Variants in SEZ6L observed in about 807,000 individuals in gnomAD.
SEZ6L encodes the protein seizure 6-like protein.
Under a neutral mutation model 106.2 loss-of-function variants are expected in SEZ6L, and 37 were observed. That is an observed-to-expected ratio of 0.35 (90% CI 0.27 to 0.46). SEZ6L has a LOEUF of 0.46. SEZ6L is among the 20% of genes least tolerant of loss of function. SEZ6L has a pLI of 1.00. For synonymous variants in SEZ6L, 541 were observed against 570.4 expected, an observed-to-expected ratio of 0.95 and a Z score of 0.73; for missense variants, 1,172 against 1,332.8, an observed-to-expected ratio of 0.88 and a Z score of 1.88.
At chr22:26,267,052 GA>G (rs1395640701) in intron 1 of SEZ6L, among the ~76,000 whole-genome samples, 1 of 152,182 alleles carries the variant, frequency 6.6e-6, no homozygotes, top group East Asian at 1.9e-4. Context: ...CGTGTGTACA[GA>G]GTCAAAATAA....
rs1342163858 is a variant in SEZ6L at position 26,310,677 on chromosome 22, G to A, written c.1522G>A (p.Val508Ile). 16 of 1,614,140 alleles carry A rather than the reference G, an allele frequency of 9.9e-6. No individual in the cohort carries two copies. The highest frequency in any genetic ancestry group is 1.3e-5 in the African/African-American group (1 of 75,038). The stretch of plus-strand genomic sequence containing the variant: ...CTCTGCTCCCACTGCCAGGATGACG[G>A]TTCACAGCGGGCAGACCAACAAGTC... ...LLLHDKDRMT[V>I]HSGQTNKSAL... The change falls in exon 7 of 17, where the codon GTT becomes ATT. Residue 508 changes from valine (V) to isoleucine (I), a missense_variant. Coordinates refer to ENST00000248933, the MANE Select transcript of SEZ6L (RefSeq NM_021115.5).
rs113172009 is a variant in SEZ6L, at chr22:26,282,349, C to T, written c.95-10057C>T. Among the ~76,000 whole-genome samples the T allele has an allele frequency of 4.1e-3, 624 of 152,302 alleles. 7 individuals are homozygous for T. Among genetic ancestry groups the T allele is most frequent in the African/African-American group, 0.013 (559 of 41,578 alleles). On this transcript the variant is annotated intron_variant, in intron 1 of 16. Coordinates refer to ENST00000248933, the MANE Select transcript of SEZ6L (RefSeq NM_021115.5). ...GTGAACACTTTGCAACACCCTAGTA[C>T]GTGTCAATGACCACAAAGGTCTCTC...
intron 5 of SEZ6L, among the ~76,000 whole-genome samples, chr22:26,299,997 T>C (rs1400545931): frequency 6.6e-6 from 1 of 152,184 alleles, no homozygotes; most frequent in Non-Finnish European, 1.5e-5. Flanking sequence ...TTCTTTTCCA[T>C]GTTGTTGTTT....
intron 1 of SEZ6L, among the ~76,000 whole-genome samples, chr22:26,191,231 C>T (rs1940180673): frequency 6.6e-6 from 1 of 152,150 alleles, no homozygotes; most frequent in Non-Finnish European, 1.5e-5. Flanking sequence ...AATCCCATTA[C>T]TGGGTATACA....
chr22:26,334,021 G>T (rs2082570521), intron 9 of SEZ6L, among the ~76,000 whole-genome samples: 2 of 152,058 alleles, frequency 1.3e-5, no homozygotes, highest in South Asian at 4.1e-4. Flanking sequence ...GCAGGGACGG[G>T]GCAGGCGGCA....
chr22:26,348,604 G>GAGAA lies in SEZ6L; in HGVS notation c.2407+692_2407+693insGAAA, dbSNP rs1334347493. Among the ~76,000 whole-genome samples the GAGAA allele has an allele frequency of 3.3e-4, 21 of 62,912 alleles. 2 individuals carry two copies. Among genetic ancestry groups the GAGAA allele is most frequent in the African/African-American group, 1.1e-3 (11 of 10,370 alleles). 41.3% of individuals were successfully genotyped at this position (62,912 alleles called of 152,430 possible). A position where few individuals can be genotyped will look rare whatever the true frequency, so the allele number is the denominator to read the frequency against. On this transcript the variant is annotated intron_variant, in intron 11 of 16. Transcript: ENST00000248933. ...AAAGAAAGAGAAAGAAAGAAAGAAA[G>GAGAA]AAAGAGAAAAAGAAAGAAAGAAAGA...
intron 9 of SEZ6L, among the ~76,000 whole-genome samples, chr22:26,325,783 T>A (rs1461840495): frequency 2.0e-5 from 3 of 148,176 alleles, no homozygotes; most frequent in African/African-American, 7.9e-5. Context: ...GATGATGAAA[T>A]CATACCATGT....
intron 1 of SEZ6L, among the ~76,000 whole-genome samples, chr22:26,206,056 A>G (rs1941256419): frequency 6.6e-6 from 1 of 152,168 alleles, no homozygotes; most frequent in Non-Finnish European, 1.5e-5. Flanking sequence ...GGCCTCTCCT[A>G]TAGAATAAAT....
At chr22:26,266,031 C>T (rs1320923646) in intron 1 of SEZ6L, among the ~76,000 whole-genome samples, 1 of 152,156 alleles carries the variant, frequency 6.6e-6, no homozygotes, top group Admixed American at 6.5e-5. Context: ...CCATCATGGA[C>T]ATGAGCTGTG....
At chr22:26,302,725 G>A (rs2081494524) in intron 5 of SEZ6L, among the ~76,000 whole-genome samples, 1 of 152,128 alleles carries the variant, frequency 6.6e-6, no homozygotes, top group Non-Finnish European at 1.5e-5. Context: ...TTTTATCTAT[G>A]TGTGAAATCA....
intron 1 of SEZ6L, among the ~76,000 whole-genome samples, chr22:26,291,439 G>T (rs1016619381): frequency 8.8e-6 from 1 of 113,192 alleles, no homozygotes; most frequent in African/African-American, 4.4e-5. Flanking sequence ...GGGGCCTGTT[G>T]CGGGGTGGAG....
At chr22:26,322,521 A>T (rs2082184560) in intron 9 of SEZ6L, among the ~76,000 whole-genome samples, 1 of 152,188 alleles carries the variant, frequency 6.6e-6, no homozygotes, top group East Asian at 1.9e-4. Flanking sequence ...AACTAGATTT[A>T]TCTCCGTGAA....
intron 1 of SEZ6L, among the ~76,000 whole-genome samples, chr22:26,274,014 A>G (rs1342038964): frequency 6.6e-6 from 1 of 152,130 alleles, no homozygotes; most frequent in Non-Finnish European, 1.5e-5. Flanking sequence ...ATGGCCCCAA[A>G]AGAGAAATTG....
Position 26,221,730 on chromosome 22 carries a change from GCACACGCGTGCA to G in SEZ6L, c.94+51973_94+51984del, listed in dbSNP as rs1467394255. On this transcript the variant is annotated intron_variant, in intron 1 of 16. Transcript: ENST00000248933. ...TGTGTGCACCTGAATTCATGCGCGT[GCACACGCGTGCA>G]CACACACACACACACACACACACAC... is the stretch of plus-strand genomic sequence containing the variant. 1.4e-3 allele frequency among the ~76,000 whole-genome samples: 197 copies of G among 138,680 alleles called. 1 individual carries two copies. The highest frequency in any genetic ancestry group is 5.2e-3 in the African/African-American group (189 of 36,096). The allele number at this position is 138,680 out of a possible 152,430, so 91.0% of individuals were successfully genotyped here.
intron 13 of SEZ6L, among the ~76,000 whole-genome samples, chr22:26,372,936 G>A (rs1391458757): frequency 6.6e-6 from 1 of 152,102 alleles, no homozygotes; most frequent in Admixed American, 6.6e-5. Context: ...CAATTCATTC[G>A]TGCTTTGCCC....
At position 26,311,946 on chromosome 22, in the gene SEZ6L, A is replaced by C. The variant is rs990165291; in HGVS notation, c.1860A>C (p.Thr620=). The change falls in exon 8 of 17, where the codon ACA becomes ACC. Residue 620 remains threonine, a synonymous_variant. Coordinates refer to ENST00000248933, the MANE Select transcript of SEZ6L (RefSeq NM_021115.5). ...TGCGGGACCCATACTGGAATGACAC[A>C]GAGCCCCTGTGCAGAGGTGAGCGGA... ...INVRDPYWND[T]EPLCRAMCGG... 4 of 1,613,778 alleles carry C rather than the reference A, an allele frequency of 2.5e-6. No homozygotes were observed. Among genetic ancestry groups the C allele is most frequent in the African/African-American group, 2.7e-5 (2 of 74,810 alleles).
At chr22:26,306,242 C>T (rs16981698) in intron 6 of SEZ6L, 98 bp downstream of exon 6, 46,238 of 1,363,986 alleles carry the variant, frequency 0.034, 931 homozygotes, top group East Asian at 0.054. Context: ...AGCTTTGACC[C>T]TCGGAATTCA....
chr22:26,241,363 C>G (rs558559024), intron 1 of SEZ6L: 1 of 152,204 alleles, frequency 6.6e-6, no homozygotes, highest in East Asian at 1.9e-4. Flanking sequence ...AATCTAGCAC[C>G]GACTGTGTCT....
chr22:26,202,234 C>G (rs1291747085), intron 1 of SEZ6L, among the ~76,000 whole-genome samples: 2 of 152,084 alleles, frequency 1.3e-5, no homozygotes, highest in African/African-American at 4.8e-5. Context: ...TTTTTATTCT[C>G]TCTCATGCCT....
Sources: allele counts gnomAD v4.1 joint callset (sites outside exome capture counted in the v4.1 genomes callset), GRCh38; gene constraint gnomAD v4.1.1; transcripts MANE v1.5; gene names NCBI Gene and HGNC (gene_info 2026-07-23, HGNC 2026-07-21).